Variants in FNIP2 observed in about 807,000 individuals in gnomAD.
FNIP2 encodes folliculin-interacting protein 2.
A neutral mutation model predicts 108.7 loss-of-function variants in FNIP2; 32 were observed. The observed-to-expected ratio is 0.29, with a 90% CI of 0.22 to 0.40. The LOEUF (loss-of-function observed/expected upper bound fraction) is 0.40. Ranked by LOEUF, FNIP2 falls within the 10% of genes least tolerant of loss-of-function variation. The pLI is 1.00. For missense variants in FNIP2, 1,202 were observed against 1,381.6 expected (o/e 0.87, Z 2.06); for synonymous variants, 480 against 496.7 (o/e 0.97, Z 0.45).
chr4:158,817,948 C>T (rs1247541915), intron 1 of FNIP2, among the ~76,000 whole-genome samples: 1 of 152,238 alleles, frequency 6.6e-6, no homozygotes. Flanking sequence ...AATCTGACAT[C>T]CCGTGCAGTG....
intron 14 of FNIP2, among the ~76,000 whole-genome samples, chr4:158,876,134 G>T (rs942645992): frequency 2.0e-5 from 3 of 152,042 alleles, no homozygotes; most frequent in Non-Finnish European, 2.9e-5. Flanking sequence ...ACTGATCTCT[G>T]GGTATCCCCA....
chr4:158,883,076 A>G (rs1781780792), intron 14 of FNIP2, among the ~76,000 whole-genome samples: 3 of 152,068 alleles, frequency 2.0e-5, no homozygotes, highest in Non-Finnish European at 4.4e-5. Context: ...ACCCAAAAAA[A>G]ATAAAATAAA....
At chr4:158,777,000 G>T (rs975541157) in intron 1 of FNIP2, among the ~76,000 whole-genome samples, 4 of 151,920 alleles carry the variant, frequency 2.6e-5, no homozygotes, top group Non-Finnish European at 5.9e-5. Context: ...AAAATGATAG[G>T]GTAAAAGTGC....
intron 1 of FNIP2, among the ~76,000 whole-genome samples, chr4:158,796,875 T>C (rs1169902893): frequency 1.3e-5 from 2 of 152,184 alleles, no homozygotes; most frequent in Non-Finnish European, 2.9e-5. Flanking sequence ...TCCAAGGTTC[T>C]GTTCCCTGGT....
chr4:158,826,180 G>C (rs990868692), intron 2 of FNIP2, 138 bp downstream of exon 2: 30 of 1,230,810 alleles, frequency 2.4e-5, no homozygotes, highest in Middle Eastern at 3.0e-4. Flanking sequence ...ACATAAGCAA[G>C]CATTGAATCC....
In FNIP2 at chr4:158,826,039, T is replaced by A. The variant is rs752604169; in HGVS notation, c.231T>A (p.Ala77=). The A allele has an allele frequency of 1.3e-5, 21 of 1,605,856 alleles. No homozygotes were observed. In the South Asian group the frequency reaches 2.3e-4, roughly 18 times the overall value. The change falls in exon 2 of 17, where the codon GCT becomes GCA. Residue 77 remains alanine, a synonymous_variant. Coordinates refer to ENST00000264433, the MANE Select transcript of FNIP2 (RefSeq NM_020840.3). ...TTCAAAAGATTGAGGAGGTGACAGC[T>A]CAGGTATGAAATGCTGATTTGCTTT... The part of the protein sequence containing the change: ...KAVQKIEEVT[A]QKTEDVPIKI...
chr4:158,816,216 G>A (rs1189670456), intron 1 of FNIP2, among the ~76,000 whole-genome samples: 1 of 152,060 alleles, frequency 6.6e-6, no homozygotes, highest in Non-Finnish European at 1.5e-5. Context: ...TTGACCTCTG[G>A]AAACTTCTTG....
chr4:158,803,033 T>C (rs1438375874), intron 1 of FNIP2, among the ~76,000 whole-genome samples: 1 of 152,186 alleles, frequency 6.6e-6, no homozygotes, highest in Admixed American at 6.5e-5. Flanking sequence ...ACTTCTGTGG[T>C]CCTCCCTTCC....
At chr4:158,829,404 A>G (rs931555953) in intron 3 of FNIP2, among the ~76,000 whole-genome samples, 179 bp downstream of exon 3, 2 of 152,120 alleles carry the variant, frequency 1.3e-5, no homozygotes, top group Non-Finnish European at 2.9e-5. Context: ...TTTTATCTCC[A>G]ATAAAAACTG....
chr4:158,871,845 A>G (rs774168292), intron 14 of FNIP2: 44 of 985,324 alleles, frequency 4.5e-5, no homozygotes, highest in Admixed American at 6.1e-5. Context: ...TGTAAGAAAA[A>G]TGCCCTCATT....
In FNIP2 at chr4:158,811,091, A is replaced by G. The variant is rs1777242299; in HGVS notation, c.108-14825A>G. Among the ~76,000 whole-genome samples the G allele has an allele frequency of 2.0e-5, 3 of 152,216 alleles. 1 individual carries two copies. Among genetic ancestry groups the G allele is most frequent in the South Asian group, 4.1e-4 (2 of 4,834 alleles). Reference sequence around the variant, plus strand: ...AAGATTATAACTGTCAAAAGTCACCAAAGAGAATCCACCCTGTGGGTTATA... The same window carrying G: ...AAGATTATAACTGTCAAAAGTCACCGAAGAGAATCCACCCTGTGGGTTATA... On this transcript the variant is annotated intron_variant, in intron 1 of 16. Transcript: ENST00000264433.
chr4:158,893,859 CT>C (rs1245257210), intron 15 of FNIP2: 2 of 571,314 alleles, frequency 3.5e-6, no homozygotes, highest in African/African-American at 1.9e-5. Context: ...ATAGTTAATT[CT>C]TTTTACTTCC....
intron 14 of FNIP2, among the ~76,000 whole-genome samples, chr4:158,876,713 G>A (rs1781301968): frequency 6.6e-6 from 1 of 152,200 alleles, no homozygotes; most frequent in African/African-American, 2.4e-5. Context: ...CACATAGAAA[G>A]TGCTCACTAA....
At chr4:158,862,988 A>G (rs1018042005) in intron 12 of FNIP2, among the ~76,000 whole-genome samples, 10 of 152,258 alleles carry the variant, frequency 6.6e-5, no homozygotes, top group African/African-American at 2.4e-4. Context: ...ACTGAGAGCC[A>G]TTAATTCCCT....
chr4:158,785,546 C>T (rs1015752173), intron 1 of FNIP2, among the ~76,000 whole-genome samples: 4 of 152,028 alleles, frequency 2.6e-5, no homozygotes, highest in Non-Finnish European at 5.9e-5. Flanking sequence ...CCAGGCTGGT[C>T]TTGAACTCCT....
intron 1 of FNIP2, among the ~76,000 whole-genome samples, chr4:158,775,952 T>G (rs1370410527): frequency 1.3e-5 from 2 of 152,220 alleles, no homozygotes; most frequent in Non-Finnish European, 2.9e-5. Context: ...AATTTGTAGA[T>G]TATACTTTAG....
rs184987361 is a variant in FNIP2, at chr4:158,788,201, C to T, written c.107+18882C>T. 8.5e-4 allele frequency among the ~76,000 whole-genome samples: 129 copies of T among 152,262 alleles called. 2 individuals are homozygous for T. The highest frequency in any genetic ancestry group is 1.5e-3 in the Non-Finnish European group (104 of 68,020). ...TTCTTGCAGTTACGACCGTGCTGGG[C>T]GCGTAGTAAGTACTCTGATTCCTGG... On this transcript the variant is annotated intron_variant, in intron 1 of 16. Coordinates refer to ENST00000264433, the MANE Select transcript of FNIP2 (RefSeq NM_020840.3).
intron 8 of FNIP2, among the ~76,000 whole-genome samples, chr4:158,852,687 A>G (rs1162188315): frequency 6.6e-6 from 1 of 152,188 alleles, no homozygotes; most frequent in African/African-American, 2.4e-5. Context: ...ATTATTTACT[A>G]TTATTATTGC....
intron 14 of FNIP2, among the ~76,000 whole-genome samples, chr4:158,885,017 A>C (rs1280701541): frequency 2.0e-5 from 3 of 151,168 alleles, no homozygotes; most frequent in African/African-American, 7.3e-5. Context: ...TTAGCTGGGC[A>C]TGGTGGTGTG....
Sources: gnomAD v4.1 joint callset for allele counts (sites outside exome capture counted in the v4.1 genomes callset) on GRCh38, gnomAD v4.1.1 for gene constraint, MANE v1.5 for transcripts, NCBI Gene and HGNC (gene_info 2026-07-23, HGNC 2026-07-21) for gene names.